The following FAM221A variants were observed in gnomAD, a reference collection of about 807,000 sequenced individuals.
The protein encoded by FAM221A is family with sequence similarity 221 member A, also known as protein FAM221A.
A neutral mutation model predicts 37.6 loss-of-function variants in FAM221A; 43 were observed. The ratio of observed to expected loss-of-function variants is 1.15; its 90% CI spans 0.90 to 1.48. FAM221A has a LOEUF of 1.48. Ranked by LOEUF, FAM221A falls within the 40% of genes most tolerant of loss-of-function variation. The pLI is 0.00. For missense variants in FAM221A, 361 were observed against 361.5 expected, an observed-to-expected ratio of 1.00 and a Z score of 0.01; for synonymous variants, 135 against 132.9, an observed-to-expected ratio of 1.02 and a Z score of -0.11.
At chr7:23,691,785 A>G (rs1189173534) in intron 4 of FAM221A, among the ~76,000 whole-genome samples, 189 bp downstream of exon 4, 1 of 152,126 alleles carries the variant, frequency 6.6e-6, no homozygotes, top group Non-Finnish European at 1.5e-5. Context: ...AGACCTATTT[A>G]GTATCCATAA....
chr7:23,691,312 CT>C, intron 3 of FAM221A, 77 bp from the exon 4 acceptor site: 2 of 1,426,006 alleles, frequency 1.4e-6, no homozygotes, highest in Non-Finnish European at 9.8e-7. Context: ...GTTCAGCTGG[CT>C]TTTGCCAGGC....
intron 2 of FAM221A, chr7:23,686,352 C>T: frequency 2.5e-6 from 1 of 407,554 alleles, no homozygotes; most frequent in Non-Finnish European, 4.9e-6. Context: ...CAGCCTCGAC[C>T]TCCTGGGCTC....
intron 6 of FAM221A, 144 bp from the exon 7 acceptor site, chr7:23,701,952 C>A: frequency 2.3e-6 from 1 of 431,564 alleles, no homozygotes; most frequent in African/African-American, 2.0e-5. Context: ...TAATTATGTC[C>A]CTTTAACAGA....
chr7:23,689,531 T>A (rs1456863248), intron 3 of FAM221A, 72 bp downstream of exon 3: 1 of 1,176,022 alleles, frequency 8.5e-7, no homozygotes, highest in East Asian at 2.4e-5. Context: ...AACGTGCTTT[T>A]TTACTGGTTG....
At chr7:23,687,301 C>T (rs1784428352) in intron 2 of FAM221A, 1 of 152,204 alleles carries the variant, frequency 6.6e-6, no homozygotes, top group Admixed American at 6.6e-5. Context: ...GAAGGGGAAA[C>T]TCTATTCTGT....
At chr7:23,691,157 T>G (rs1784718569) in intron 3 of FAM221A, among the ~76,000 whole-genome samples, 1 of 152,150 alleles carries the variant, frequency 6.6e-6, no homozygotes, top group South Asian at 2.1e-4. Context: ...CTCTTCAATT[T>G]CTTTTAGTCC....
intron 5 of FAM221A, 68 bp from the exon 6 acceptor site, chr7:23,700,713 ACTTTT>A: frequency 1.0e-6 from 1 of 982,246 alleles, no homozygotes; most frequent in Non-Finnish European, 1.5e-6. Context: ...GCAGGAGAAA[ACTTTT>A]CTTTCTTTTA....
In FAM221A at chr7:23,700,770, T is replaced by A. The variant is rs753779332; in HGVS notation, c.746-16T>A. The A allele has an allele frequency of 4.6e-6, 7 of 1,518,212 alleles. No individual in the cohort carries two copies. Among genetic ancestry groups the A allele is most frequent in the Non-Finnish European group, 5.4e-6 (6 of 1,112,970 alleles). The allele number at this position is 1,518,212 out of a possible 1,614,324, so 94.0% of individuals were successfully genotyped here. ...AATGATATAAATACATTACTTAGAT[T>A]TTTTTTCCTTGTTAGTAGGTACAAG... On this transcript the variant is annotated splice_polypyrimidine_tract_variant and intron_variant, in intron 5 of 6. Coordinates refer to ENST00000344962, the MANE Select transcript of FAM221A (RefSeq NM_199136.5).
chr7:23,690,018 A>C (rs956935113), intron 3 of FAM221A, among the ~76,000 whole-genome samples: 5 of 151,710 alleles, frequency 3.3e-5, no homozygotes, highest in African/African-American at 1.2e-4. Flanking sequence ...TTCAGGAGAT[A>C]GTCAATCCAG....
At chr7:23,689,757 T>G (rs1562521368) in intron 3 of FAM221A, among the ~76,000 whole-genome samples, 2 of 152,216 alleles carry the variant, frequency 1.3e-5, no homozygotes, top group Non-Finnish European at 2.9e-5. Context: ...TTGCCAGATG[T>G]GATCTGATTC....
chr7:23,689,522 A>G (rs554186164), intron 3 of FAM221A, 63 bp downstream of exon 3: 8 of 1,275,288 alleles, frequency 6.3e-6, no homozygotes, highest in African/African-American at 4.3e-5. Context: ...TGAATATTTA[A>G]CGTGCTTTTT....
At chr7:23,695,624 C>A (rs987318087) in intron 4 of FAM221A, among the ~76,000 whole-genome samples, 1 of 152,174 alleles carries the variant, frequency 6.6e-6, no homozygotes, top group East Asian at 1.9e-4. Context: ...CTGCCCGCCT[C>A]GGCCTCCCAA....
Position 23,702,268 on chromosome 7 carries a change from T to C in FAM221A, c.*104T>C. 3.0e-6 allele frequency: 2 copies of C among 672,230 alleles called. No individual in the cohort carries two copies. The highest frequency in any genetic ancestry group is 4.6e-6 in the Non-Finnish European group (2 of 434,834). 41.6% of individuals were successfully genotyped at this position (672,230 alleles called of 1,614,324 possible). ...CCTGAAATTATTTACTTTTTTTTTT[T>C]ACTGTATAAATGTCTTTTGGGATGT... On this transcript the variant is annotated 3_prime_UTR_variant, in exon 7 of 7. Transcript: ENST00000344962.
chr7:23,698,527 T>C (rs1049780086), intron 5 of FAM221A, among the ~76,000 whole-genome samples: 1 of 152,248 alleles, frequency 6.6e-6, no homozygotes, highest in African/African-American at 2.4e-5. Context: ...ATTCTGATAC[T>C]ACTATAATTT....
intron 5 of FAM221A, among the ~76,000 whole-genome samples, chr7:23,698,548 A>G (rs1166505142): frequency 1.3e-5 from 2 of 152,188 alleles, no homozygotes; most frequent in East Asian, 3.8e-4. Flanking sequence ...GAAGTTTTAA[A>G]CCTTGTTCTG....
Position 23,698,224 on chromosome 7 carries a change from A to G in FAM221A, c.670A>G (p.Ile224Val), listed in dbSNP as rs770257401. The change falls in exon 5 of 7, where the codon ATT (isoleucine) becomes GTT (valine). Residue 224 changes from isoleucine to valine, a missense_variant. Ile to Val is a conservative substitution (Grantham distance 29). Transcript: ENST00000344962. ...TTCAGTTGAATTTTTAGAATCTCCCATTACGGCAGTAGACAGCCCATTCCT... is the reference window on the plus strand; with the variant it reads ...TTCAGTTGAATTTTTAGAATCTCCCGTTACGGCAGTAGACAGCCCATTCCT... ...VPSVEFLESP[I>V]TAVDSPFLKA... is the part of the protein sequence containing the mutation. 1.9e-6 allele frequency: 3 copies of G among 1,596,430 alleles called. No homozygotes were observed. The highest frequency in any genetic ancestry group is 3.5e-5 in the Admixed American group (2 of 57,782).
intron 3 of FAM221A, among the ~76,000 whole-genome samples, chr7:23,690,396 G>C (rs1374163301): frequency 6.6e-6 from 1 of 151,298 alleles, no homozygotes; most frequent in Non-Finnish European, 1.5e-5. Context: ...GTAGAGACGG[G>C]GTTTTGCCAT....
intron 4 of FAM221A, chr7:23,692,253 G>T (rs1784794892): frequency 1.2e-6 from 1 of 861,296 alleles, no homozygotes; most frequent in Non-Finnish European, 1.4e-6. Flanking sequence ...TTGAAACACA[G>T]GTGTGTAAGT....
At chr7:23,695,842 T>C (rs1361323794) in intron 4 of FAM221A, among the ~76,000 whole-genome samples, 1 of 152,232 alleles carries the variant, frequency 6.6e-6, no homozygotes. Flanking sequence ...ATAATGTTTT[T>C]TCCTCTTCCT....
Sources: gnomAD v4.1 joint callset for allele counts (sites outside exome capture counted in the v4.1 genomes callset) on GRCh38, gnomAD v4.1.1 for gene constraint, MANE v1.5 for transcripts, NCBI Gene and HGNC (gene_info 2026-07-23, HGNC 2026-07-21) for gene names.